The following CCDC3 variants were observed in gnomAD, a reference collection of about 807,000 sequenced individuals.
CCDC3 encodes the protein coiled-coil domain-containing protein 3.
CCDC3 carries 24 observed loss-of-function variants against 21.4 expected under a neutral mutation model. That is an observed-to-expected ratio of 1.12 (90% CI 0.81 to 1.58). The LOEUF (loss-of-function observed/expected upper bound fraction) is 1.58. Among genes scored for constraint, CCDC3 ranks in the 40% most tolerant of loss-of-function variants. The pLI is 0.00. For synonymous variants in CCDC3, 186 were observed against 166.0 expected (o/e 1.12, Z -0.93); for missense variants, 425 against 360.9 (o/e 1.18, Z -1.44).
At chr10:12,991,031 T>C (rs1311980325) in intron 2 of CCDC3, among the ~76,000 whole-genome samples, 1 of 152,362 alleles carries the variant, frequency 6.6e-6, no homozygotes, top group Non-Finnish European at 1.5e-5. Flanking sequence ...TCTCCATCTC[T>C]AAGGAATGAG....
At chr10:12,973,449 C>T (rs904108006) in intron 2 of CCDC3, among the ~76,000 whole-genome samples, 1 of 152,218 alleles carries the variant, frequency 6.6e-6, no homozygotes, top group Non-Finnish European at 1.5e-5. Context: ...GGCCTCATCC[C>T]TGAATTCCTC....
chr10:13,044,985 C>G (rs1430325715), intron 5 of CCDC3, among the ~76,000 whole-genome samples: 1 of 152,152 alleles, frequency 6.6e-6, no homozygotes, highest in Non-Finnish European at 1.5e-5. Context: ...TACATGACTT[C>G]TAACAATGTT....
chr10:12,928,528 G>T (rs1311644981), intron 2 of CCDC3, among the ~76,000 whole-genome samples: 1 of 152,198 alleles, frequency 6.6e-6, no homozygotes, highest in Non-Finnish European at 1.5e-5. Context: ...TGGCAGGGCT[G>T]CACTTAGCCT....
exon 5 of CCDC3, chr10:13,049,824 T>G (rs1248243593): frequency 6.6e-6 from 1 of 152,268 alleles, no homozygotes; most frequent in East Asian, 1.9e-4. Context: ...GTTAAGTTCT[T>G]ATTAAAAATT....
chr10:12,929,598 T>C (rs1834607184), intron 2 of CCDC3, among the ~76,000 whole-genome samples: 1 of 152,144 alleles, frequency 6.6e-6, no homozygotes, highest in African/African-American at 2.4e-5. Flanking sequence ...CCACAGATTA[T>C]CTTTCTCACT....
chr10:13,044,923 T>A (rs185378008), intron 5 of CCDC3, among the ~76,000 whole-genome samples: 1 of 152,336 alleles, frequency 6.6e-6, no homozygotes, highest in Non-Finnish European at 1.5e-5. Context: ...TTCATGAGCA[T>A]TGGAAGTTTT....
intron 4 of CCDC3, among the ~76,000 whole-genome samples, chr10:13,050,384 G>A (rs1348325914): frequency 6.6e-6 from 1 of 152,076 alleles, no homozygotes; most frequent in Non-Finnish European, 1.5e-5. Context: ...CAATCCAAGG[G>A]CTGAGGCCAT....
intron 2 of CCDC3, among the ~76,000 whole-genome samples, chr10:12,900,277 A>G (rs1834071683): frequency 6.6e-6 from 1 of 152,144 alleles, no homozygotes; most frequent in Non-Finnish European, 1.5e-5. Flanking sequence ...GCATATATAT[A>G]AAAAGAGGTA....
intron 5 of CCDC3, among the ~76,000 whole-genome samples, chr10:13,043,218 C>T (rs545186197): frequency 3.3e-5 from 5 of 152,240 alleles, no homozygotes; most frequent in African/African-American, 1.2e-4. Context: ...AATCCCTCTC[C>T]CTCTCCCTGA....
rs185682836 is a variant in CCDC3 at position 12,980,059 on chromosome 10, T to C, written c.549+18279A>G. Among the ~76,000 whole-genome samples, 317 of 152,316 alleles carry C rather than the reference T, an allele frequency of 2.1e-3. 3 individuals are homozygous for C. In the Middle Eastern group the frequency reaches 0.037, roughly 18 times the overall value. On this transcript the variant is annotated intron_variant, in intron 2 of 2. Coordinates refer to ENST00000378825, the MANE Select transcript of CCDC3 (RefSeq NM_031455.4). ...TTCTTAGGAGATTCTTTTATGATGT[T>C]ACATGAAAGGGTTCGACTAGGCAAT...
intron 2 of CCDC3, among the ~76,000 whole-genome samples, chr10:12,944,640 TAGGCAAAA>T (rs1299405537): frequency 6.6e-6 from 1 of 152,212 alleles, no homozygotes; most frequent in Admixed American, 6.5e-5. Flanking sequence ...GTTCTTAACT[TAGGCAAAA>T]TAAACCTATA....
intron 5 of CCDC3, among the ~76,000 whole-genome samples, chr10:13,030,398 T>C (rs1836284225): frequency 2.6e-5 from 4 of 152,098 alleles, no homozygotes; most frequent in Admixed American, 2.0e-4. Flanking sequence ...TGCCAAATTG[T>C]AAAGACCATC....
chr10:13,091,789 T>C (rs1463984641), intron 3 of CCDC3, among the ~76,000 whole-genome samples: 1 of 147,764 alleles, frequency 6.8e-6, no homozygotes, highest in Admixed American at 6.8e-5. Context: ...CCTAAGTGTC[T>C]GATTTCAAGC....
At chr10:13,061,644 G>C (rs1836759161) in intron 4 of CCDC3, among the ~76,000 whole-genome samples, 1 of 152,174 alleles carries the variant, frequency 6.6e-6, no homozygotes, top group South Asian at 2.1e-4. Context: ...GGTGGAGAAA[G>C]GTGGGACAAT....
At chr10:12,914,246 A>G (rs533749210) in intron 2 of CCDC3, among the ~76,000 whole-genome samples, 3 of 152,304 alleles carry the variant, frequency 2.0e-5, no homozygotes, top group Non-Finnish European at 2.9e-5. Context: ...TGCCAATTCA[A>G]TCTTCTTACT....
At chr10:13,033,675 G>T (rs1249800820) in intron 5 of CCDC3, among the ~76,000 whole-genome samples, 1 of 152,104 alleles carries the variant, frequency 6.6e-6, no homozygotes, top group Non-Finnish European at 1.5e-5. Flanking sequence ...TCAAAAAGTG[G>T]GCAAAGGATA....
chr10:13,022,465 C>T (rs1468864883), intron 5 of CCDC3, among the ~76,000 whole-genome samples: 1 of 152,178 alleles, frequency 6.6e-6, no homozygotes, highest in Non-Finnish European at 1.5e-5. Context: ...GAAAGCCCAC[C>T]ATCAGCTGAT....
At chr10:13,041,545 A>T (rs1216217937) in intron 5 of CCDC3, among the ~76,000 whole-genome samples, 5 of 65,974 alleles carry the variant, frequency 7.6e-5, no homozygotes, top group East Asian at 1.0e-3. Flanking sequence ...TTTTTTTTTG[A>T]GCCAGAGTCT....
At chr10:13,006,953 A>G (rs1430117354) in intron 5 of CCDC3, among the ~76,000 whole-genome samples, 3 of 152,134 alleles carry the variant, frequency 2.0e-5, no homozygotes, top group African/African-American at 7.2e-5. Context: ...TCAACTATCC[A>G]CTGTCAAAGA....
Sources: gnomAD v4.1 joint callset for allele counts (sites outside exome capture counted in the v4.1 genomes callset) on GRCh38, gnomAD v4.1.1 for gene constraint, MANE v1.5 for transcripts, NCBI Gene and HGNC (gene_info 2026-07-23, HGNC 2026-07-21) for gene names.